The following LUZP2 variants were observed in gnomAD, a reference collection of about 807,000 sequenced individuals.
The protein encoded by LUZP2 is leucine zipper protein 2.
A neutral mutation model predicts 51.6 loss-of-function variants in LUZP2; 52 were observed. The observed-to-expected ratio is 1.01, with a 90% CI of 0.81 to 1.27. The LOEUF (loss-of-function observed/expected upper bound fraction) is 1.27. Ranked by LOEUF, LUZP2 falls within the 50% of genes most tolerant of loss-of-function variation. The probability of loss-of-function intolerance (pLI) is 0.00; values close to 1 mark genes in which losing one functional copy is unlikely to be tolerated. For missense variants in LUZP2, 436 were observed against 395.4 expected (o/e 1.10, Z -0.87); for synonymous variants, 154 against 137.3 (o/e 1.12, Z -0.85).
chr11:24,666,647 C>G (rs1343854141), intron 1 of LUZP2, among the ~76,000 whole-genome samples: 2 of 152,234 alleles, frequency 1.3e-5, no homozygotes, highest in East Asian at 3.9e-4. Flanking sequence ...ATAATTGGAT[C>G]TTTTTTCTCA....
rs532580018 is a variant in LUZP2, at chr11:24,660,596, C to A, written c.63-68573C>A. ...AGAGTGTCTGGATTAAAGCGAAGAACCCCTGATCATAAATGTTCTTCCTGA... is the reference window on the plus strand; with the variant it reads ...AGAGTGTCTGGATTAAAGCGAAGAAACCCTGATCATAAATGTTCTTCCTGA... On this transcript the variant is annotated intron_variant, in intron 1 of 11. Coordinates refer to ENST00000336930, the MANE Select transcript of LUZP2 (RefSeq NM_001009909.4). Among the ~76,000 whole-genome samples, 4 of 152,238 alleles carry A rather than the reference C, an allele frequency of 2.6e-5. No individual in the cohort carries two copies. The East Asian group carries it at 7.7e-4, about 29-fold the overall frequency.
At chr11:24,613,997 G>T (rs1052626953) in intron 1 of LUZP2, among the ~76,000 whole-genome samples, 1 of 151,850 alleles carries the variant, frequency 6.6e-6, no homozygotes, top group Non-Finnish European at 1.5e-5. Flanking sequence ...TTTGTGGTAG[G>T]TTTCCATCAG....
intron 1 of LUZP2, among the ~76,000 whole-genome samples, chr11:24,640,958 TATA>T (rs1855258118): frequency 6.7e-4 from 1 of 1,486 alleles, no homozygotes; most frequent in Admixed American, 0.012. Context: ...TCTATATCTG[TATA>T]GATATAGATA....
At chr11:24,567,106 G>T (rs58896806) in intron 1 of LUZP2, among the ~76,000 whole-genome samples, 14,979 of 150,016 alleles carry the variant, frequency 0.1, 922 homozygotes, top group African/African-American at 0.16. Context: ...CTCCCAAAGT[G>T]CTGGGATAAC....
intron 7 of LUZP2, among the ~76,000 whole-genome samples, chr11:24,957,365 T>C (rs950045245): frequency 6.6e-6 from 1 of 152,156 alleles, no homozygotes; most frequent in Non-Finnish European, 1.5e-5. Flanking sequence ...TTTTTTATAG[T>C]GAGAACACTT....
intron 1 of LUZP2, among the ~76,000 whole-genome samples, chr11:24,523,564 T>A (rs1168261070): frequency 6.6e-6 from 1 of 150,672 alleles, no homozygotes; most frequent in Non-Finnish European, 1.5e-5. Flanking sequence ...ATATATTAGA[T>A]AAATATATAC....
intron 1 of LUZP2, among the ~76,000 whole-genome samples, chr11:24,652,979 A>C (rs1855676548): frequency 6.6e-6 from 1 of 152,156 alleles, no homozygotes; most frequent in African/African-American, 2.4e-5. Flanking sequence ...AATGTGGAAA[A>C]TTTAGAATTG....
At chr11:25,058,066 G>A (rs1162506342) in intron 10 of LUZP2, among the ~76,000 whole-genome samples, 1 of 152,018 alleles carries the variant, frequency 6.6e-6, no homozygotes, top group African/African-American at 2.4e-5. Context: ...ATTGGACTGA[G>A]AGACCACACA....
At chr11:24,808,903 A>G (rs1421185549) in intron 5 of LUZP2, among the ~76,000 whole-genome samples, 1 of 152,214 alleles carries the variant, frequency 6.6e-6, no homozygotes, top group Admixed American at 6.5e-5. Context: ...CTATTAAAAT[A>G]TAAAAACCAA....
intron 4 of LUZP2, among the ~76,000 whole-genome samples, chr11:24,754,896 A>G (rs1408480406): frequency 1.3e-5 from 2 of 152,208 alleles, no homozygotes; most frequent in East Asian, 1.9e-4. Flanking sequence ...CTGTAATCCC[A>G]GCATTTTGCG....
intron 9 of LUZP2, among the ~76,000 whole-genome samples, chr11:25,023,968 T>C (rs1000560633): frequency 7.9e-5 from 12 of 152,154 alleles, no homozygotes; most frequent in Non-Finnish European, 1.6e-4. Context: ...TAATCCTGAG[T>C]TCTAGTTTGA....
chr11:24,730,749 A>T (rs1197476136), intron 2 of LUZP2, among the ~76,000 whole-genome samples: 1 of 151,844 alleles, frequency 6.6e-6, no homozygotes, highest in African/African-American at 2.4e-5. Context: ...TTTCTATGCC[A>T]GTAGCCAAAG....
At chr11:24,980,797 T>A (rs1856008372) in intron 8 of LUZP2, among the ~76,000 whole-genome samples, 1 of 151,392 alleles carries the variant, frequency 6.6e-6, no homozygotes, top group South Asian at 2.1e-4. Context: ...TCTATATGGG[T>A]ATTTGGAAGA....
intron 5 of LUZP2, among the ~76,000 whole-genome samples, chr11:24,872,912 A>T (rs1300542860): frequency 6.6e-6 from 1 of 152,144 alleles, no homozygotes; most frequent in Non-Finnish European, 1.5e-5. Context: ...TTAGACTAGA[A>T]CATACATCTT....
chr11:24,772,132 T>G (rs1860444068), intron 5 of LUZP2, among the ~76,000 whole-genome samples: 2 of 152,192 alleles, frequency 1.3e-5, no homozygotes, highest in Admixed American at 6.5e-5. Context: ...GTATATGTGT[T>G]GTGTTTTTCA....
At chr11:25,008,110 G>C (rs1331295376) in intron 9 of LUZP2, among the ~76,000 whole-genome samples, 3 of 152,210 alleles carry the variant, frequency 2.0e-5, no homozygotes, top group Admixed American at 6.5e-5. Flanking sequence ...ACCTGGGCTT[G>C]GCTCAGTTCT....
intron 7 of LUZP2, among the ~76,000 whole-genome samples, chr11:24,941,110 G>A (rs774906966): frequency 5.3e-5 from 8 of 152,150 alleles, no homozygotes; most frequent in Non-Finnish European, 8.8e-5. Flanking sequence ...AACCCACTGG[G>A]CATAGCCATC....
At position 25,076,367 on chromosome 11, in the gene LUZP2, T is replaced by G. The variant is rs181272294; in HGVS notation, c.859-962T>G. Among the ~76,000 whole-genome samples, 270 of 152,274 alleles carry G rather than the reference T, an allele frequency of 1.8e-3. 2 individuals are homozygous for G. The highest frequency in any genetic ancestry group is 3.3e-3 in the Non-Finnish European group (226 of 68,024). On this transcript the variant is annotated intron_variant, in intron 10 of 11. Transcript: ENST00000336930. ...GCCTAATGTTCACAAATGATTAAACTCTTAGGCTCTGCCTTGCACGTGGAA... is the reference window on the plus strand; with the variant it reads ...GCCTAATGTTCACAAATGATTAAACGCTTAGGCTCTGCCTTGCACGTGGAA...
At chr11:24,562,839 G>T (rs184466765) in intron 1 of LUZP2, among the ~76,000 whole-genome samples, 13 of 149,400 alleles carry the variant, frequency 8.7e-5, no homozygotes, top group East Asian at 8.0e-4. Context: ...TCCAGCCTGG[G>T]TGACAGAGTG....
Sources: gnomAD v4.1 joint callset for allele counts (sites outside exome capture counted in the v4.1 genomes callset) on GRCh38, gnomAD v4.1.1 for gene constraint, MANE v1.5 for transcripts, NCBI Gene and HGNC (gene_info 2026-07-23, HGNC 2026-07-21) for gene names.